Variants in DNM3 observed in about 807,000 individuals in gnomAD.
DNM3 encodes dynamin 3, also known as dynamin-3.
DNM3 carries 47 observed loss-of-function variants against 101.6 expected under a neutral mutation model. That is an observed-to-expected ratio of 0.46 (90% confidence interval 0.37 to 0.59). DNM3 has a LOEUF of 0.59. Ranked by LOEUF, DNM3 falls within the 20% of genes least tolerant of loss-of-function variation. DNM3 has a pLI of 0.00. For synonymous variants in DNM3, 385 were observed against 387.9 expected, an observed-to-expected ratio of 0.99 and a Z score of 0.09; for missense variants, 849 against 1,085.7, an observed-to-expected ratio of 0.78 and a Z score of 3.06.
In DNM3 at chr1:172,412,143, A is replaced by C. The variant is rs1210336179; in HGVS notation, c.*4302A>C. The C allele has an allele frequency of 2.0e-6, 2 of 985,698 alleles. No individual in the cohort carries two copies. Among genetic ancestry groups the C allele is most frequent in the East Asian group, 2.3e-4 (2 of 8,826 alleles). The allele number at this position is 985,698 out of a possible 1,614,324, so 61.1% of individuals were successfully genotyped here. The stretch of plus-strand genomic sequence containing the variant: ...GGAGTGTTTGTCTTAAGACCTGTTC[A>C]TACTGGTATATTGGTGAGACTTCTC... On this transcript the variant is annotated 3_prime_UTR_variant, in exon 21 of 21. Coordinates refer to ENST00000627582, the MANE Select transcript of DNM3 (RefSeq NM_015569.5).
intron 20 of DNM3, among the ~76,000 whole-genome samples, chr1:172,400,304 G>GTTTA (rs2070371858): frequency 6.6e-6 from 1 of 151,988 alleles, no homozygotes; most frequent in Non-Finnish European, 1.5e-5. Flanking sequence ...TCAGAAAAAG[G>GTTTA]TTTACCCCAT....
At chr1:172,150,282 A>G (rs1203212945) in intron 14 of DNM3, among the ~76,000 whole-genome samples, 2 of 152,198 alleles carry the variant, frequency 1.3e-5, no homozygotes, top group Non-Finnish European at 2.9e-5. Flanking sequence ...AGTACTTGGC[A>G]TATAAATTGG....
rs563221489 is a variant in DNM3 at position 171,926,207 on chromosome 1, G to GGTTCCCTATTAATTTTAGTATT, written c.235+4390_235+4411dup. ...GCTTTGGCTATTTGGGCTCTCTTCT[G>GGTTCCCTATTAATTTTAGTATT]GTTCCCTATTAATTTTAGTATTGTT... is the stretch of plus-strand genomic sequence containing the variant. On this transcript the variant is annotated intron_variant, in intron 2 of 20. Transcript: ENST00000627582. Among the ~76,000 whole-genome samples, 139 of 152,158 alleles carry GGTTCCCTATTAATTTTAGTATT rather than the reference G, an allele frequency of 9.1e-4. 1 individual carries two copies. The South Asian group carries it at 0.026, about 28-fold the overall frequency.
intron 14 of DNM3, among the ~76,000 whole-genome samples, chr1:172,237,342 A>G (rs2061582915): frequency 6.6e-6 from 1 of 152,066 alleles, no homozygotes; most frequent in Admixed American, 6.6e-5. Flanking sequence ...GAGCAGGAAA[A>G]CAATCTCCCC....
At chr1:172,143,399 C>A (rs917235845) in intron 14 of DNM3, among the ~76,000 whole-genome samples, 1 of 152,058 alleles carries the variant, frequency 6.6e-6, no homozygotes, top group Non-Finnish European at 1.5e-5. Flanking sequence ...CCAGAACTTT[C>A]TTTAAGGGGC....
At chr1:172,197,981 G>A (rs763495281) in intron 14 of DNM3, among the ~76,000 whole-genome samples, 1 of 152,090 alleles carries the variant, frequency 6.6e-6, no homozygotes, top group Non-Finnish European at 1.5e-5. Flanking sequence ...TCCTTGTCCT[G>A]TGCCAGTTTT....
chr1:172,163,332 G>A (rs1053014342), intron 14 of DNM3, among the ~76,000 whole-genome samples: 3 of 149,918 alleles, frequency 2.0e-5, no homozygotes, highest in East Asian at 3.9e-4. Context: ...TCCATCTCCT[G>A]GGTTCAAGCC....
intron 17 of DNM3, among the ~76,000 whole-genome samples, chr1:172,332,103 A>T (rs2066213678): frequency 6.6e-6 from 1 of 152,222 alleles, no homozygotes; most frequent in African/African-American, 2.4e-5. Context: ...ATGTAAGGAA[A>T]GGAGAAAGTG....
intron 17 of DNM3, among the ~76,000 whole-genome samples, chr1:172,372,018 A>C (rs2068359229): frequency 7.0e-6 from 1 of 143,712 alleles, no homozygotes; most frequent in Non-Finnish European, 1.5e-5. Context: ...GCACCCACTA[A>C]CTCGTCATCT....
intron 14 of DNM3, among the ~76,000 whole-genome samples, chr1:172,252,521 G>T (rs141876934): frequency 6.6e-6 from 1 of 152,218 alleles, no homozygotes; most frequent in African/African-American, 2.4e-5. Context: ...TTTATTAAAA[G>T]TTATGACTAA....
At chr1:171,920,115 G>A (rs1298735111) in intron 1 of DNM3, among the ~76,000 whole-genome samples, 2 of 152,150 alleles carry the variant, frequency 1.3e-5, no homozygotes, top group Non-Finnish European at 2.9e-5. Context: ...TATTTCCTCT[G>A]TCAGAACACA....
intron 13 of DNM3, among the ~76,000 whole-genome samples, chr1:172,113,309 C>A (rs940311238): frequency 6.6e-6 from 1 of 152,072 alleles, no homozygotes; most frequent in Non-Finnish European, 1.5e-5. Flanking sequence ...TAATTTTCAC[C>A]ACAATTCTAT....
intron 16 of DNM3, among the ~76,000 whole-genome samples, chr1:172,319,085 A>G (rs907607292): frequency 7.2e-5 from 11 of 152,288 alleles, no homozygotes; most frequent in South Asian, 4.1e-4. Context: ...ATAACGCCGC[A>G]TATCTACAAC....
intron 2 of DNM3, among the ~76,000 whole-genome samples, chr1:171,931,177 A>G (rs1571680025): frequency 6.6e-6 from 1 of 152,208 alleles, no homozygotes; most frequent in African/African-American, 2.4e-5. Flanking sequence ...TATTTGGAAA[A>G]ATATTCCATG....
At chr1:172,306,770 A>G (rs990916473) in intron 15 of DNM3, among the ~76,000 whole-genome samples, 2 of 152,240 alleles carry the variant, frequency 1.3e-5, no homozygotes, top group Non-Finnish European at 2.9e-5. Context: ...AAAACAAGCA[A>G]TGAGGAAAGG....
chr1:171,957,302 A>G (rs1423046197), intron 2 of DNM3, among the ~76,000 whole-genome samples: 1 of 147,798 alleles, frequency 6.8e-6, no homozygotes, highest in East Asian at 2.0e-4. Flanking sequence ...GGTTCACACC[A>G]TTCTCCTGCT....
intron 13 of DNM3, among the ~76,000 whole-genome samples, chr1:172,118,539 GT>G (rs995457710): frequency 2.1e-4 from 32 of 151,884 alleles, no homozygotes; most frequent in African/African-American, 5.5e-4. Flanking sequence ...GCCAATTCTT[GT>G]TTTGTTTTGT....
chr1:172,028,492 A>T (rs2048367504), intron 4 of DNM3, among the ~76,000 whole-genome samples: 1 of 152,222 alleles, frequency 6.6e-6, no homozygotes, highest in South Asian at 2.1e-4. Context: ...ACACCCTAAC[A>T]TCACGATTAA....
Position 171,841,650 on chromosome 1 carries a change from G to C in DNM3, c.-7G>C, listed in dbSNP as rs1180338388. The C allele has an allele frequency of 6.2e-7, 1 of 1,608,304 alleles. No homozygotes were observed. The stretch of plus-strand genomic sequence containing the variant: ...GGGACCAGCTGGTCGCCGGCCCCTC[G>C]GGCAAGATGGGGAACCGGGAGATGG... On this transcript the variant is annotated 5_prime_UTR_variant, in exon 1 of 21. Transcript: ENST00000627582.
Sources: allele counts gnomAD v4.1 joint callset (sites outside exome capture counted in the v4.1 genomes callset), GRCh38; gene constraint gnomAD v4.1.1; transcripts MANE v1.5; gene names NCBI Gene and HGNC (gene_info 2026-07-23, HGNC 2026-07-21).